AP3B1: variants seen among roughly 807,000 people sequenced by gnomAD.
AP3B1 encodes adaptor related protein complex 3 subunit beta 1.
A neutral mutation model predicts 132.5 loss-of-function variants in AP3B1; 61 were observed. That is an observed-to-expected ratio of 0.46 (90% CI 0.37 to 0.57). The LOEUF (loss-of-function observed/expected upper bound fraction) is 0.57. Ranked by LOEUF, AP3B1 falls within the 20% of genes least tolerant of loss-of-function variation. The pLI, the probability that AP3B1 is intolerant of heterozygous loss-of-function variation, is 0.00. For synonymous variants in AP3B1, 388 were observed against 438.3 expected (o/e 0.89, Z 1.43); for missense variants, 1,120 against 1,289.4 (o/e 0.87, Z 2.01).
chr5:78,139,826 A>G (rs1753069223), intron 15 of AP3B1, among the ~76,000 whole-genome samples: 1 of 152,104 alleles, frequency 6.6e-6, no homozygotes, highest in Admixed American at 6.6e-5. Flanking sequence ...GAGAAAGGAG[A>G]CAATGACAAA....
intron 1 of AP3B1, among the ~76,000 whole-genome samples, chr5:78,278,456 G>A (rs867864579): frequency 5.0e-5 from 5 of 99,830 alleles, no homozygotes; most frequent in Middle Eastern, 6.4e-3. Context: ...AAAATTAGCC[G>A]GGCGTAGTGG....
intron 7 of AP3B1, among the ~76,000 whole-genome samples, chr5:78,194,733 C>T (rs1239299249): frequency 1.3e-5 from 2 of 152,144 alleles, no homozygotes; most frequent in Admixed American, 6.5e-5. Flanking sequence ...TATGCTAAAT[C>T]ATGTGAATGA....
rs1744183108 is a variant in AP3B1, at chr5:78,177,241, G to C, written c.1040+98C>G. On this transcript the variant is annotated intron_variant, in intron 9 of 26. Transcript: ENST00000255194. ...TTACTGATCGATTGATTAAAATATA[G>C]TCAGAGTTATATATTAAATGCCTGA... 1.3e-5 allele frequency: 10 copies of C among 785,620 alleles called. 1 individual carries two copies. The South Asian group carries it at 1.6e-4, about 12-fold the overall frequency. 48.7% of individuals were successfully genotyped at this position (785,620 alleles called of 1,614,324 possible). A position where few individuals can be genotyped will look rare whatever the true frequency, so the allele number is the denominator to read the frequency against.
At chr5:78,182,471 A>G (rs1266562085) in intron 7 of AP3B1, among the ~76,000 whole-genome samples, 1 of 152,230 alleles carries the variant, frequency 6.6e-6, no homozygotes, top group Non-Finnish European at 1.5e-5. Context: ...TAAAACAAAC[A>G]TAAGAAGACT....
rs1406673938 is a variant in AP3B1 at position 78,057,279 on chromosome 5, C to T, written c.2578-18005G>A. 3.3e-5 allele frequency among the ~76,000 whole-genome samples: 5 copies of T among 152,166 alleles called. No homozygotes were observed. The East Asian group carries it at 7.7e-4, about 23-fold the overall frequency. ...GTCTTTATTAATCTATTTCTTCCCA[C>T]TGTTCCTCTCATTTTAGTTTAGTCC... On this transcript the variant is annotated intron_variant, in intron 22 of 26. Transcript: ENST00000255194.
chr5:78,289,344 A>G (rs574170271), intron 1 of AP3B1, among the ~76,000 whole-genome samples: 1 of 152,362 alleles, frequency 6.6e-6, no homozygotes, highest in East Asian at 1.9e-4. Context: ...TTGACAATGA[A>G]TAAGATTTAA....
At chr5:78,167,703 T>C (rs1743702383) in intron 11 of AP3B1, among the ~76,000 whole-genome samples, 1 of 149,542 alleles carries the variant, frequency 6.7e-6, no homozygotes, top group Non-Finnish European at 1.5e-5. Flanking sequence ...AGGAACAAAA[T>C]AATGGCATTC....
At chr5:78,274,480 G>A (rs1187241005) in intron 1 of AP3B1, among the ~76,000 whole-genome samples, 2 of 151,726 alleles carry the variant, frequency 1.3e-5, no homozygotes, top group African/African-American at 4.8e-5. Flanking sequence ...AGTATTTGAA[G>A]AGATAATGGT....
chr5:78,034,334 A>ATCCTTTAC, intron 24 of AP3B1, 27 bp downstream of exon 24: 1 of 1,566,928 alleles, frequency 6.4e-7, no homozygotes, highest in Non-Finnish European at 8.8e-7. Flanking sequence ...CAGGTTATAT[A>ATCCTTTAC]AAAAATAGAA....
intron 2 of AP3B1, among the ~76,000 whole-genome samples, chr5:78,246,933 T>C (rs1157250762): frequency 6.6e-6 from 1 of 152,136 alleles, no homozygotes; most frequent in African/African-American, 2.4e-5. Flanking sequence ...GAAATACTTC[T>C]TTTCAAACAT....
intron 22 of AP3B1, among the ~76,000 whole-genome samples, chr5:78,074,169 C>T (rs946324995): frequency 1.3e-5 from 2 of 152,012 alleles, no homozygotes; most frequent in Non-Finnish European, 2.9e-5. Context: ...ATAACAATCT[C>T]TTTTTAAAAA....
At chr5:78,023,210 A>G (rs1353606199) in intron 24 of AP3B1, among the ~76,000 whole-genome samples, 1 of 152,230 alleles carries the variant, frequency 6.6e-6, no homozygotes. Flanking sequence ...GGCTTTAGCC[A>G]CATTATATTT....
chr5:78,227,370 A>T lies in AP3B1; in HGVS notation c.536+2T>A. 6.2e-7 allele frequency: 1 copy of T among 1,612,950 alleles called. No individual in the cohort carries two copies. Among genetic ancestry groups the T allele is most frequent in the Non-Finnish European group, 8.5e-7 (1 of 1,179,214 alleles). On this transcript the variant is annotated splice_donor_variant, in intron 5 of 26. Coordinates refer to ENST00000255194, the MANE Select transcript of AP3B1 (RefSeq NM_003664.5). LOFTEE classifies it high-confidence loss of function. ...TTGGTATATTGTTAACAATGCACCT[A>T]CCTGTATAATTTTTGTATTGCATGG...
chr5:78,131,695 G>A (rs889831777), intron 15 of AP3B1, among the ~76,000 whole-genome samples: 4 of 152,120 alleles, frequency 2.6e-5, no homozygotes, highest in Admixed American at 6.5e-5. Flanking sequence ...GAGTCTTCAC[G>A]ATAGGTGAGA....
chr5:78,073,950 G>A lies in AP3B1; in HGVS notation c.2577+15443C>T, dbSNP rs895492529. ...GTGCATGTTTCCTTTGTTTTTTTGG[G>A]TGACCTGGGTTTTTTGCCACAAATA... On this transcript the variant is annotated intron_variant, in intron 22 of 26. Coordinates refer to ENST00000255194, the MANE Select transcript of AP3B1 (RefSeq NM_003664.5). Among the ~76,000 whole-genome samples the A allele has an allele frequency of 2.7e-4, 41 of 151,888 alleles. 1 individual carries two copies. Among genetic ancestry groups the A allele is most frequent in the Non-Finnish European group, 1.5e-5 (1 of 67,988 alleles).
chr5:78,032,387 CTTGT>C (rs2112088243), intron 24 of AP3B1, among the ~76,000 whole-genome samples: 1 of 152,154 alleles, frequency 6.6e-6, no homozygotes, highest in African/African-American at 2.4e-5. Flanking sequence ...ATCAGCCATT[CTTGT>C]TTCTTTTTTT....
chr5:78,172,586 C>G (rs1490682507), intron 11 of AP3B1, among the ~76,000 whole-genome samples: 1 of 152,090 alleles, frequency 6.6e-6, no homozygotes, highest in African/African-American at 2.4e-5. Context: ...GTGATATCTC[C>G]TTTATCATTT....
rs559128701 is a variant in AP3B1, at chr5:78,275,530, C to T, written c.129-7935G>A. 6.0e-4 allele frequency among the ~76,000 whole-genome samples: 92 copies of T among 152,074 alleles called. 1 individual carries two copies. The highest frequency in any genetic ancestry group is 2.0e-3 in the African/African-American group (82 of 41,450). On this transcript the variant is annotated intron_variant, in intron 1 of 26. Transcript: ENST00000255194. ...CTTGCTCTGTCACCAGGTTGGAGTG[C>T]AGTGGCGCAATCTCAGCTCACTGCA...
chr5:78,190,779 G>C (rs556598744), intron 7 of AP3B1, among the ~76,000 whole-genome samples: 46 of 152,260 alleles, frequency 3.0e-4, no homozygotes, highest in African/African-American at 1.0e-3. Context: ...TACACAAACA[G>C]TAGCTATTGC....
Sources: gnomAD v4.1 joint callset for allele counts (sites outside exome capture counted in the v4.1 genomes callset) on GRCh38, gnomAD v4.1.1 for gene constraint, MANE v1.5 for transcripts, NCBI Gene and HGNC (gene_info 2026-07-23, HGNC 2026-07-21) for gene names.